GTPBP4: variants seen among roughly 807,000 people sequenced by gnomAD.
The protein encoded by GTPBP4 is GTP binding protein 4, also known as GTP-binding protein 4.
A neutral mutation model predicts 81.7 loss-of-function variants in GTPBP4; 15 were observed. That is an observed-to-expected ratio of 0.18 (90% CI 0.12 to 0.28). The LOEUF (loss-of-function observed/expected upper bound fraction) is 0.28, where lower values mean the gene tolerates loss of function less well. Among genes scored for constraint, GTPBP4 ranks in the 10% least tolerant of loss-of-function variants. GTPBP4 has a pLI of 1.00. For missense variants in GTPBP4, 847 were observed against 793.8 expected (o/e 1.07, Z -0.81); for synonymous variants, 272 against 274.6 (o/e 0.99, Z 0.09).
At position 1,015,912 on chromosome 10, in the gene GTPBP4, G is replaced by GTAATAAA; in HGVS notation, c.1752+17_1752+18insAATAAAT. On this transcript the variant is annotated intron_variant, in intron 16 of 16. Transcript: ENST00000360803. ...GGATGTCAAGGTCAGTCTCTGTGTT[G>GTAATAAA]TGTAATGTAATAAAATGACAGTCTC... 1.3e-6 allele frequency: 2 copies of GTAATAAA among 1,594,852 alleles called. No homozygotes were observed. The highest frequency in any genetic ancestry group is 2.2e-5 in the South Asian group (2 of 89,546).
intron 9 of GTPBP4, among the ~76,000 whole-genome samples, 182 bp downstream of exon 9, chr10:1,006,089 C>T (rs1391886396): frequency 4.6e-5 from 7 of 152,164 alleles, no homozygotes; most frequent in Non-Finnish European, 1.5e-5. Context: ...CCCACTTTGC[C>T]CCCCGTGGAC....
intron 2 of GTPBP4, among the ~76,000 whole-genome samples, chr10:994,416 G>A (rs11253556): frequency 0.042 from 6,422 of 152,078 alleles, 156 homozygotes; most frequent in Middle Eastern, 0.078. Context: ...TTACAGGCAT[G>A]TGCGACTATA....
At chr10:999,162 A>G (rs1831582010) in intron 6 of GTPBP4, 67 bp downstream of exon 6, 1 of 887,348 alleles carries the variant, frequency 1.1e-6, no homozygotes, top group African/African-American at 1.7e-5. Context: ...CTTGTTGCCC[A>G]GGCTGGAGTG....
chr10:1,002,404 A>G (rs1192142677), intron 8 of GTPBP4, among the ~76,000 whole-genome samples: 1 of 152,196 alleles, frequency 6.6e-6, no homozygotes, highest in African/African-American at 2.4e-5. Flanking sequence ...AAGTATAGCT[A>G]TTCCTACTTG....
Position 1,015,762 on chromosome 10 carries a change from G to A in GTPBP4, c.1618G>A (p.Ala540Thr), listed in dbSNP as rs367860596. Residue 540 changes from alanine (A) to threonine (T), a missense_variant, in exon 16 of 17, where the codon GCA becomes ACA. Transcript: ENST00000360803. ...DMDDKDDAHY[A>T]VQARRSRSIT... is the part of the protein sequence containing the mutation. Reference sequence around the variant, plus strand: ...TTCCCCTGCTTTGCAGGCCCATTACGCAGTCCAGGCAAGAAGATCCCGGAG... The same window carrying A: ...TTCCCCTGCTTTGCAGGCCCATTACACAGTCCAGGCAAGAAGATCCCGGAG... 8 of 1,613,348 alleles carry A rather than the reference G, an allele frequency of 5.0e-6. No homozygotes were observed. Among genetic ancestry groups the A allele is most frequent in the African/African-American group, 2.7e-5 (2 of 74,908 alleles).
chr10:1,009,067 CAT>C (rs1564469965), intron 11 of GTPBP4, 32 bp downstream of exon 11: 1 of 1,494,526 alleles, frequency 6.7e-7, no homozygotes, highest in South Asian at 1.1e-5. Context: ...CCAGTGTTCT[CAT>C]GGGGGGAGGC....
chr10:996,220 G>A lies in GTPBP4; in HGVS notation c.438G>A (p.Gln146=), dbSNP rs201953115. The change falls in exon 4 of 17, where the codon CAG becomes CAA. Residue 146 remains glutamine, a synonymous_variant. Coordinates refer to ENST00000360803, the MANE Select transcript of GTPBP4 (RefSeq NM_012341.3). ...RMCTVIKRQK[Q]SLEYLEQVRQ... ...GCACAGTGATCAAGAGGCAGAAGCAGAGTTTGGAGTATTTGGAGCAAGGTG... is the reference window on the plus strand; with the variant it reads ...GCACAGTGATCAAGAGGCAGAAGCAAAGTTTGGAGTATTTGGAGCAAGGTG... 173 of 1,613,348 alleles carry A rather than the reference G, an allele frequency of 1.1e-4. No homozygotes were observed. In the Admixed American group the frequency reaches 2.8e-3, roughly 26 times the overall value.
chr10:992,944 T>A (rs1831471449), intron 2 of GTPBP4, among the ~76,000 whole-genome samples: 1 of 152,208 alleles, frequency 6.6e-6, no homozygotes, highest in Non-Finnish European at 1.5e-5. Flanking sequence ...GGCTTGCAGG[T>A]GCCAACCCAA....
At chr10:1,007,930 T>G in intron 10 of GTPBP4, 1 of 517,968 alleles carries the variant, frequency 1.9e-6, no homozygotes, top group Non-Finnish European at 3.8e-6. Context: ...ATTTGTTACT[T>G]TTGTATTACA....
Position 988,490 on chromosome 10 carries a change from A to G in GTPBP4, c.11A>G (p.Tyr4Cys). The change falls in exon 1 of 17, where the codon TAC (tyrosine) becomes TGC (cysteine). Residue 4 changes from tyrosine (Y) to cysteine (C), a missense_variant. Transcript: ENST00000360803. ...CATACGGCTGCCGGCATGGCACATTACAACTTCAAGAAAATTACGGTGGTG... is the reference window on the plus strand; with the variant it reads ...CATACGGCTGCCGGCATGGCACATTGCAACTTCAAGAAAATTACGGTGGTG... MAH[Y>C]NFKKITVVPS... The G allele has an allele frequency of 6.2e-7, 1 of 1,613,330 alleles. No individual in the cohort carries two copies.
In GTPBP4 at chr10:1,014,251, A is replaced by G; in HGVS notation, c.1547A>G (p.Gln516Arg). Residue 516 changes from glutamine (Q) to arginine (R), a missense_variant, in exon 15 of 17, where the codon CAG (glutamine) becomes CGG (arginine). By Grantham distance (43) the Gln-to-Arg change is conservative (BLOSUM62 1). Around this residue, in one of 3 missense-constraint regions of GTPBP4, gnomAD observed 600 missense variants for 557.1 expected, o/e 1.08. Coordinates refer to ENST00000360803, the MANE Select transcript of GTPBP4 (RefSeq NM_012341.3). ...ATTTCTTTTTATCCTTCTCAGGTTC[A>G]GAGGACAGTTTTGGAGAAGGAGATG... ...PRMPRTAKKV[Q>R]RTVLEKEMRS... 1.3e-6 allele frequency: 2 copies of G among 1,592,964 alleles called. No homozygotes were observed. The highest frequency in any genetic ancestry group is 2.2e-5 in the East Asian group (1 of 44,768).
At chr10:991,740 G>T (rs1203855561) in intron 1 of GTPBP4, among the ~76,000 whole-genome samples, 1 of 141,634 alleles carries the variant, frequency 7.1e-6, no homozygotes, top group African/African-American at 2.6e-5. Context: ...CTGTCGCCCA[G>T]GCTGGAGTGC....
rs1207159793 is a variant in GTPBP4 at position 1,009,174 on chromosome 10, G to T, written c.1191+139G>T. 4.7e-6 allele frequency: 3 copies of T among 644,270 alleles called. No homozygotes were observed. The African/African-American group carries it at 5.5e-5, about 12-fold the overall frequency. 39.9% of individuals were successfully genotyped at this position (644,270 alleles called of 1,614,324 possible). ...CGTCAGGCTGCGGACACAGCAGTGAGTCCCCCTGCAGAAGCCTCTCTCATG... is the reference window on the plus strand; with the variant it reads ...CGTCAGGCTGCGGACACAGCAGTGATTCCCCCTGCAGAAGCCTCTCTCATG... On this transcript the variant is annotated intron_variant, in intron 11 of 16. Transcript: ENST00000360803.
At chr10:998,238 C>A (rs1831566731) in intron 5 of GTPBP4, among the ~76,000 whole-genome samples, 1 of 151,978 alleles carries the variant, frequency 6.6e-6, no homozygotes, top group African/African-American at 2.4e-5. Context: ...TAGCTGGGAC[C>A]ACAGGTGCAC....
chr10:1,004,371 A>C (rs2132165008), intron 8 of GTPBP4, among the ~76,000 whole-genome samples: 1 of 152,244 alleles, frequency 6.6e-6, no homozygotes, highest in East Asian at 1.9e-4. Context: ...GTCCAGCTCC[A>C]GGGAGCAGGT....
At chr10:988,683 T>A in intron 1 of GTPBP4, 156 bp downstream of exon 1, 1 of 628,142 alleles carries the variant, frequency 1.6e-6, no homozygotes. Context: ...TCGGGATCAT[T>A]TCCCCTCCCC....
chr10:1,006,916 G>T, intron 9 of GTPBP4, 102 bp from the exon 10 acceptor site: 4 of 740,392 alleles, frequency 5.4e-6, no homozygotes, highest in South Asian at 4.6e-5. Flanking sequence ...TACCTTGAGG[G>T]AAAAGGCTCA....
intron 2 of GTPBP4, among the ~76,000 whole-genome samples, chr10:993,286 T>A (rs1434479704): frequency 6.6e-6 from 1 of 152,202 alleles, no homozygotes; most frequent in East Asian, 1.9e-4. Flanking sequence ...TGAGTCTCAC[T>A]CTGTTGCCCA....
chr10:1,018,019 CAG>C lies in GTPBP4; in HGVS notation c.*793_*794del, dbSNP rs1491469043. On this transcript the variant is annotated 3_prime_UTR_variant, in exon 17 of 17. Transcript: ENST00000360803. The stretch of plus-strand genomic sequence containing the variant: ...GTGCTCCTGGAGCTCCAAAGACACA[CAG>C]GGGTCCAAGAGCCACCACGGATAAG... The C allele has an allele frequency of 6.6e-6, 1 of 152,244 alleles. No individual in the cohort carries two copies. The highest frequency in any genetic ancestry group is 2.4e-5 in the African/African-American group (1 of 41,452). The allele number at this position is 152,244 out of a possible 1,614,324, so 9.4% of individuals were successfully genotyped here. A position where few individuals can be genotyped will look rare whatever the true frequency, so the allele number is the denominator to read the frequency against.
Sources: allele counts gnomAD v4.1 joint callset (sites outside exome capture counted in the v4.1 genomes callset), GRCh38; gene constraint gnomAD v4.1.1; regional missense constraint gnomAD v4.1.1; transcripts MANE v1.5; gene names NCBI Gene and HGNC (gene_info 2026-07-23, HGNC 2026-07-21).